TIE1: variants seen among roughly 807,000 people sequenced by gnomAD.
The protein encoded by TIE1 is tyrosine kinase with immunoglobulin like and EGF like domains 1, also known as tyrosine-protein kinase receptor Tie-1.
In TIE1, 89 loss-of-function variants were observed where a neutral mutation model predicts 130.5. The observed-to-expected ratio is 0.68, with a 90% confidence interval of 0.57 to 0.81. The LOEUF (loss-of-function observed/expected upper bound fraction) is 0.81, where lower values mean the gene tolerates loss of function less well. Ranked by LOEUF, TIE1 falls within the 40% of genes least tolerant of loss-of-function variation. The probability of loss-of-function intolerance (pLI) is 0.00; values close to 1 mark genes in which losing one functional copy is unlikely to be tolerated. For missense variants in TIE1, 1,392 were observed against 1,559.8 expected (o/e 0.89, Z 1.81); for synonymous variants, 568 against 629.4 (o/e 0.90, Z 1.46).
In TIE1 at chr1:43,317,244, A is replaced by G. The variant is rs1570448989; in HGVS notation, c.2455A>G (p.Thr819Ala). 4 of 1,613,858 alleles carry G rather than the reference A, an allele frequency of 2.5e-6. No homozygotes were observed. The highest frequency in any genetic ancestry group is 1.3e-5 in the African/African-American group (1 of 74,830). The change falls in exon 15 of 23, where the codon ACC becomes GCC. Residue 819 changes from threonine to alanine, a missense_variant. By Grantham distance (58) the Thr-to-Ala change is moderately conservative. This residue lies in a region of TIE1 where 286 missense variants were observed against 354.4 expected (regional missense o/e 0.81). Transcript: ENST00000372476. This position sits in a 1 kb window ranked among gnomAD's most constrained non-coding sequence, Gnocchi z 5.1. ...LQFSSGTLTL[T>A]RRPKLQPEPL... ...GTTCAGCTCAGGGACCTTGACACTTACCCGGCGGCCAAAACTGCAGCCCGA... is the reference window on the plus strand; with the variant it reads ...GTTCAGCTCAGGGACCTTGACACTTGCCCGGCGGCCAAAACTGCAGCCCGA...
Position 43,317,353 on chromosome 1 carries a change from G to T in TIE1, c.2564G>T (p.Arg855Leu), listed in dbSNP as rs760864280. Residue 855 changes from arginine (R) to leucine (L), a missense_variant, in exon 15 of 23, where the codon CGG becomes CTG. By Grantham distance (102) the Arg-to-Leu change is moderately radical (BLOSUM62 -2). Around this residue, in one of 6 missense-constraint regions of TIE1, gnomAD observed 286 missense variants for 354.4 expected, o/e 0.81. Coordinates refer to ENST00000372476, the MANE Select transcript of TIE1 (RefSeq NM_005424.5). The surrounding 1 kb of genome is among the most constrained non-coding windows in gnomAD (Gnocchi z 5.1). The part of the protein sequence containing the change: ...IGEGNFGQVI[R>L]AMIKKDGLKM... The stretch of plus-strand genomic sequence containing the variant: ...GAGGGGAACTTCGGCCAGGTCATCC[G>T]GGCCATGATCAAGAAGGACGGGCTG... The T allele has an allele frequency of 6.2e-7, 1 of 1,614,040 alleles. No individual in the cohort carries two copies. Among genetic ancestry groups the T allele is most frequent in the Non-Finnish European group, 8.5e-7 (1 of 1,180,014 alleles).
intron 14 of TIE1, among the ~76,000 whole-genome samples, chr1:43,314,791 G>A (rs1397434467): frequency 3.3e-5 from 5 of 152,144 alleles, no homozygotes. Flanking sequence ...TGTTGCCACT[G>A]CACTCCAGCC....
intron 9 of TIE1, among the ~76,000 whole-genome samples, chr1:43,310,308 C>A: frequency 6.6e-6 from 1 of 152,202 alleles, no homozygotes; most frequent in Non-Finnish European, 1.5e-5. Flanking sequence ...AGGAGCCAGA[C>A]AACCTGGGCT....
chr1:43,311,127 G>A (rs1430528254), intron 9 of TIE1, among the ~76,000 whole-genome samples: 1 of 152,198 alleles, frequency 6.6e-6, no homozygotes, highest in African/African-American at 2.4e-5. Context: ...ACACATGGCT[G>A]TATCTCCTTC....
chr1:43,322,524 G>A lies in TIE1; in HGVS notation c.3346-127G>A, dbSNP rs753138688. 2.8e-6 allele frequency: 2 copies of A among 713,860 alleles called. No individual in the cohort carries two copies. The highest frequency in any genetic ancestry group is 4.9e-6 in the Non-Finnish European group (2 of 412,214). The allele number at this position is 713,860 out of a possible 1,614,324, so 44.2% of individuals were successfully genotyped here. On this transcript the variant is annotated intron_variant, in intron 22 of 22. Coordinates refer to ENST00000372476, the MANE Select transcript of TIE1 (RefSeq NM_005424.5). The surrounding 1 kb of genome is among the most constrained non-coding windows in gnomAD (Gnocchi z 4.0). ...GCTGGTAAAGGCCACTCTTGGCCAT[G>A]GGGCCATCTTAGGTCTCCAGAACAA...
In TIE1 at chr1:43,309,277, AG is replaced by A. The variant is rs1471838704; in HGVS notation, c.1189-106del. The A allele has an allele frequency of 5.3e-6, 8 of 1,512,406 alleles. No individual in the cohort carries two copies. The highest frequency in any genetic ancestry group is 7.1e-6 in the Non-Finnish European group (8 of 1,130,102). 93.7% of individuals were successfully genotyped at this position (1,512,406 alleles called of 1,614,324 possible). A position where few individuals can be genotyped will look rare whatever the true frequency, so the allele number is the denominator to read the frequency against. On this transcript the variant is annotated intron_variant, in intron 8 of 22. Coordinates refer to ENST00000372476, the MANE Select transcript of TIE1 (RefSeq NM_005424.5). The surrounding 1 kb of genome is among the most constrained non-coding windows in gnomAD (Gnocchi z 6.3). Reference sequence around the variant, plus strand: ...TCACATGAGGTCAGGCTGATTGGTGAGGGGGCTGCCACTGGGCCTCTGTCCT... The same window carrying A: ...TCACATGAGGTCAGGCTGATTGGTGAGGGGCTGCCACTGGGCCTCTGTCCT...
intron 19 of TIE1, chr1:43,320,663 T>G (rs188453903): frequency 2.0e-5 from 3 of 152,046 alleles, no homozygotes; most frequent in African/African-American, 7.3e-5. Flanking sequence ...CCATCCTGGC[T>G]GACACAGTGA....
chr1:43,312,271 C>A lies in TIE1; in HGVS notation c.1631-34C>A. ...TGTCCTGTCCAGCCCCAAGTACCTA[C>A]TGGACAGTTCTGACCCCTGACCTCT... On this transcript the variant is annotated intron_variant, in intron 11 of 22. Transcript: ENST00000372476. The surrounding 1 kb of genome is among the most constrained non-coding windows in gnomAD (Gnocchi z 5.6). 1 of 1,519,752 alleles carries A rather than the reference C, an allele frequency of 6.6e-7. No homozygotes were observed. The highest frequency in any genetic ancestry group is 8.8e-7 in the Non-Finnish European group (1 of 1,133,462). 94.1% of individuals were successfully genotyped at this position (1,519,752 alleles called of 1,614,324 possible). A position where few individuals can be genotyped will look rare whatever the true frequency, so the allele number is the denominator to read the frequency against.
rs144200347 is a variant in TIE1 at position 43,306,712 on chromosome 1, G to A, written c.485-128G>A. The A allele has an allele frequency of 3.3e-4, 405 of 1,244,570 alleles. No individual in the cohort carries two copies. The African/African-American group carries it at 5.5e-3, about 17-fold the overall frequency. The allele number at this position is 1,244,570 out of a possible 1,614,324, so 77.1% of individuals were successfully genotyped here. A position where few individuals can be genotyped will look rare whatever the true frequency, so the allele number is the denominator to read the frequency against. On this transcript the variant is annotated intron_variant, in intron 3 of 22. Transcript: ENST00000372476. This position sits in a 1 kb window ranked among gnomAD's most constrained non-coding sequence, Gnocchi z 4.9. ...CTTTCTGGCGTGGGCATAGGCTCTC[G>A]TGGTGCCGGCCCTAGGTCTCATCAC...
chr1:43,312,744 G>A lies in TIE1; in HGVS notation c.1927+143G>A, dbSNP rs1217289531. ...GACACACATAGGGTATTAGGCAGAC[G>A]TGACCCCAGCGGGGACATGGGACTT... On this transcript the variant is annotated intron_variant, in intron 12 of 22. Coordinates refer to ENST00000372476, the MANE Select transcript of TIE1 (RefSeq NM_005424.5). This position sits in a 1 kb window ranked among gnomAD's most constrained non-coding sequence, Gnocchi z 5.6. 7.0e-6 allele frequency: 7 copies of A among 1,002,396 alleles called. No individual in the cohort carries two copies. The highest frequency in any genetic ancestry group is 3.3e-5 in the African/African-American group (2 of 61,496). 62.1% of individuals were successfully genotyped at this position (1,002,396 alleles called of 1,614,324 possible).
intron 1 of TIE1, among the ~76,000 whole-genome samples, chr1:43,303,980 T>C (rs975062599): frequency 1.3e-5 from 2 of 152,220 alleles, no homozygotes; most frequent in Admixed American, 1.3e-4. Context: ...GCGTGAGCTC[T>C]TTGGAAGGCA....
At chr1:43,311,624 G>T in intron 9 of TIE1, 47 bp from the exon 10 acceptor site, 1 of 1,569,574 alleles carries the variant, frequency 6.4e-7, no homozygotes, top group Non-Finnish European at 8.6e-7. Flanking sequence ...TGCAGAAGTG[G>T]ACTGGATAGG....
At position 43,307,022 on chromosome 1, in the gene TIE1, G is replaced by T. The variant is rs759611508; in HGVS notation, c.640+27G>T. On this transcript the variant is annotated intron_variant, in intron 4 of 22. Transcript: ENST00000372476. The surrounding 1 kb of genome is among the most constrained non-coding windows in gnomAD (Gnocchi z 5.4). ...TCAGAGGCAGAGGGCAGAGGTTGTG[G>T]GTAGGGTGGGAGGCTGGGAGCCCTA... The T allele has an allele frequency of 6.2e-7, 1 of 1,613,604 alleles. No homozygotes were observed.
chr1:43,311,835 T>G lies in TIE1; in HGVS notation c.1492+6T>G. The G allele has an allele frequency of 6.2e-7, 1 of 1,610,846 alleles. No individual in the cohort carries two copies. Among genetic ancestry groups the G allele is most frequent in the Non-Finnish European group, 8.5e-7 (1 of 1,178,364 alleles). ...GGACTGGTCGACCATTGTGGGTGAG[T>G]AGGGAGAGAGCTGGGGCAGGACAGA... On this transcript the variant is annotated splice_donor_region_variant and intron_variant, in intron 10 of 22. Transcript: ENST00000372476.
Position 43,305,256 on chromosome 1 carries a change from A to G in TIE1, c.397A>G (p.Thr133Ala). 3 of 1,613,876 alleles carry G rather than the reference A, an allele frequency of 1.9e-6. No individual in the cohort carries two copies. The highest frequency in any genetic ancestry group is 1.7e-6 in the Non-Finnish European group (2 of 1,179,806). The change falls in exon 3 of 23, where the codon ACA (threonine) becomes GCA (alanine). Residue 133 changes from threonine (T) to alanine (A), a missense_variant. By Grantham distance (58) the Thr-to-Ala change is moderately conservative. Around this residue, in one of 6 missense-constraint regions of TIE1, gnomAD observed 415 missense variants for 424.8 expected, o/e 0.98. Coordinates refer to ENST00000372476, the MANE Select transcript of TIE1 (RefSeq NM_005424.5). ...PGAHLLPDKV[T>A]HTVNKGDTAV... is the part of the protein sequence containing the mutation. Reference sequence around the variant, plus strand: ...AGCCCACCTGCTTCCAGACAAGGTCACACACACTGTGAACAAAGGTGACAC... The same window carrying G: ...AGCCCACCTGCTTCCAGACAAGGTCGCACACACTGTGAACAAAGGTGACAC...
intron 9 of TIE1, among the ~76,000 whole-genome samples, chr1:43,311,183 G>T (rs562432855): frequency 6.6e-6 from 1 of 152,288 alleles, no homozygotes; most frequent in South Asian, 2.1e-4. Context: ...CTGAGTCTCA[G>T]TGTTTTCATA....
At position 43,306,236 on chromosome 1, in the gene TIE1, G is replaced by A. The variant is rs1230769765; in HGVS notation, c.485-604G>A. ...AAAGGAAGGAAGGGCCTTCCAGGAG[G>A]AGGGACTGAGAAGAGCAGTAGGGTC... On this transcript the variant is annotated intron_variant, in intron 3 of 22. Transcript: ENST00000372476. The surrounding 1 kb of genome is among the most constrained non-coding windows in gnomAD (Gnocchi z 4.9). 6.6e-6 allele frequency among the ~76,000 whole-genome samples: 1 copy of A among 152,216 alleles called. No individual in the cohort carries two copies. Among genetic ancestry groups the A allele is most frequent in the African/African-American group, 2.4e-5 (1 of 41,452 alleles).
chr1:43,314,487 C>T, intron 14 of TIE1: 1 of 1,018,574 alleles, frequency 9.8e-7, no homozygotes, highest in Non-Finnish European at 1.2e-6. Context: ...CTGTGAGCTC[C>T]TCATCCTAAC....
chr1:43,319,623 A>G lies in TIE1; in HGVS notation c.3107+94A>G. The G allele has an allele frequency of 1.5e-6, 2 of 1,324,528 alleles. No individual in the cohort carries two copies. Among genetic ancestry groups the G allele is most frequent in the Admixed American group, 1.7e-5 (1 of 58,812 alleles). 82.0% of individuals were successfully genotyped at this position (1,324,528 alleles called of 1,614,324 possible). ...ATCTCAGAAATGTCATAGGTGGTCTAAGGCATGACCTGGGCTGTGTTCCAG... is the reference window on the plus strand; with the variant it reads ...ATCTCAGAAATGTCATAGGTGGTCTGAGGCATGACCTGGGCTGTGTTCCAG... On this transcript the variant is annotated intron_variant, in intron 19 of 22. Transcript: ENST00000372476. The surrounding 1 kb of genome is among the most constrained non-coding windows in gnomAD (Gnocchi z 4.7).
Sources: allele counts gnomAD v4.1 joint callset (sites outside exome capture counted in the v4.1 genomes callset), GRCh38; gene constraint gnomAD v4.1.1; regional missense constraint gnomAD v4.1.1; non-coding constraint Gnocchi (gnomAD v3.1); transcripts MANE v1.5; gene names NCBI Gene and HGNC (gene_info 2026-07-23, HGNC 2026-07-21).